The following ANKRD6 variants were observed in gnomAD, a reference collection of about 807,000 sequenced individuals.
ANKRD6 encodes the protein ankyrin repeat domain 6, also known as ankyrin repeat domain-containing protein 6.
A neutral mutation model predicts 82.3 loss-of-function variants in ANKRD6; 56 were observed. That is an observed-to-expected ratio of 0.68 (90% CI 0.55 to 0.85). ANKRD6 has a LOEUF of 0.85. Ranked by LOEUF, ANKRD6 falls within the 40% of genes least tolerant of loss-of-function variation. ANKRD6 has a pLI of 0.00. For missense variants in ANKRD6, 852 were observed against 907.6 expected (o/e 0.94, Z 0.79); for synonymous variants, 347 against 352.1 (o/e 0.99, Z 0.16).
At chr6:89,439,037 T>G (rs1771013446) in intron 1 of ANKRD6, among the ~76,000 whole-genome samples, 1 of 152,210 alleles carries the variant, frequency 6.6e-6, no homozygotes, top group Non-Finnish European at 1.5e-5. Context: ...TGTTATGTCT[T>G]CATAGTGGAG....
At chr6:89,499,081 C>G (rs1778972255) in intron 1 of ANKRD6, among the ~76,000 whole-genome samples, 1 of 151,882 alleles carries the variant, frequency 6.6e-6, no homozygotes, top group Non-Finnish European at 1.5e-5. Context: ...GGAAAGGTCT[C>G]CCTTCCTGAA....
intron 1 of ANKRD6, among the ~76,000 whole-genome samples, chr6:89,494,056 A>T (rs1293976538): frequency 6.6e-6 from 1 of 152,128 alleles, no homozygotes; most frequent in South Asian, 2.1e-4. Context: ...TGAATACAAC[A>T]CAAGTGAGTA....
At chr6:89,519,123 G>T (rs1437697154) in intron 1 of ANKRD6, among the ~76,000 whole-genome samples, 1 of 152,176 alleles carries the variant, frequency 6.6e-6, no homozygotes, top group Admixed American at 6.5e-5. Context: ...CACATTCTAG[G>T]TACTGGGGGT....
At chr6:89,591,144 C>T (rs1050342934) in intron 2 of ANKRD6, among the ~76,000 whole-genome samples, 3 of 152,106 alleles carry the variant, frequency 2.0e-5, no homozygotes, top group South Asian at 4.1e-4. Context: ...TATTCTGTTG[C>T]CCAGACTGAA....
intron 1 of ANKRD6, among the ~76,000 whole-genome samples, chr6:89,506,523 C>T (rs776380356): frequency 5.3e-5 from 8 of 152,138 alleles, no homozygotes; most frequent in East Asian, 1.9e-4. Flanking sequence ...CCATGTTGGC[C>T]GGGCTGCTCT....
chr6:89,441,113 C>T (rs1276392151), intron 1 of ANKRD6, among the ~76,000 whole-genome samples: 1 of 152,124 alleles, frequency 6.6e-6, no homozygotes, highest in Non-Finnish European at 1.5e-5. Flanking sequence ...TGTTACTTCA[C>T]TATAGTGGGG....
At chr6:89,464,157 A>G (rs1425011556) in intron 1 of ANKRD6, among the ~76,000 whole-genome samples, 2 of 152,196 alleles carry the variant, frequency 1.3e-5, no homozygotes, top group Non-Finnish European at 2.9e-5. Flanking sequence ...GAAGTTAAAA[A>G]ACTGTCCTTG....
chr6:89,447,315 T>A lies in ANKRD6; in HGVS notation c.-144+13940T>A, dbSNP rs1399558787. On this transcript the variant is annotated intron_variant, in intron 1 of 15. Coordinates refer to ENST00000339746, the MANE Select transcript of ANKRD6 (RefSeq NM_001242809.2). ...GGAGTGACAAGAAAGTGAAACAGCCTTATTGTTATTGCTGATATGGAGAAA... is the reference window on the plus strand; with the variant it reads ...GGAGTGACAAGAAAGTGAAACAGCCATATTGTTATTGCTGATATGGAGAAA... Among the ~76,000 whole-genome samples, 3 of 152,184 alleles carry A rather than the reference T, an allele frequency of 2.0e-5. No individual in the cohort carries two copies. In the East Asian group the frequency reaches 5.8e-4, roughly 29 times the overall value.
At chr6:89,447,939 G>A (rs138651706) in intron 1 of ANKRD6, among the ~76,000 whole-genome samples, 2,701 of 151,010 alleles carry the variant, frequency 0.018, 88 homozygotes, top group African/African-American at 0.061. Flanking sequence ...CGCCTGCCTC[G>A]GCCTCCCAGA....
chr6:89,529,900 A>T (rs1782931478), intron 1 of ANKRD6, among the ~76,000 whole-genome samples: 1 of 152,186 alleles, frequency 6.6e-6, no homozygotes, highest in East Asian at 1.9e-4. Context: ...ACCCCAAAAC[A>T]ATTACAGTAG....
At chr6:89,601,663 T>G (rs1030458058) in intron 3 of ANKRD6, 1 of 152,232 alleles carries the variant, frequency 6.6e-6, no homozygotes, top group Non-Finnish European at 1.5e-5. Flanking sequence ...ATTTACTGTC[T>G]GAACATATTT....
At chr6:89,603,188 C>A in intron 4 of ANKRD6, 61 bp downstream of exon 4, 1 of 1,473,348 alleles carries the variant, frequency 6.8e-7, no homozygotes, top group South Asian at 1.2e-5. Flanking sequence ...CTCAGGGGAG[C>A]TGGAGGAGCC....
chr6:89,530,728 G>A (rs959494013), intron 1 of ANKRD6, among the ~76,000 whole-genome samples: 2 of 152,222 alleles, frequency 1.3e-5, no homozygotes, highest in African/African-American at 2.4e-5. Flanking sequence ...TAAAAGCCAG[G>A]AGGGCTTGCT....
At chr6:89,531,215 C>CT (rs1783104104) in intron 1 of ANKRD6, among the ~76,000 whole-genome samples, 1 of 152,216 alleles carries the variant, frequency 6.6e-6, no homozygotes, top group South Asian at 2.1e-4. Flanking sequence ...CGGATCTGTT[C>CT]TTTCTCTTAG....
chr6:89,596,036 A>T (rs1226973018), intron 3 of ANKRD6, 22 bp downstream of exon 3: 2 of 1,587,174 alleles, frequency 1.3e-6, no homozygotes. Context: ...CCATCATTCT[A>T]TCAGGCTGAG....
At chr6:89,471,979 G>A (rs867002437) in intron 1 of ANKRD6, among the ~76,000 whole-genome samples, 30 of 149,934 alleles carry the variant, frequency 2.0e-4, no homozygotes, top group Middle Eastern at 6.9e-3. Context: ...GAGAGAGAAG[G>A]AGGAGAGAAA....
intron 1 of ANKRD6, among the ~76,000 whole-genome samples, chr6:89,481,771 G>C (rs953377447): frequency 1.3e-5 from 2 of 152,078 alleles, no homozygotes; most frequent in Admixed American, 1.3e-4. Flanking sequence ...ACTGCTGCTG[G>C]TGGTGGTACT....
intron 1 of ANKRD6, among the ~76,000 whole-genome samples, chr6:89,552,337 G>A (rs1452848184): frequency 6.6e-6 from 1 of 152,186 alleles, no homozygotes; most frequent in Non-Finnish European, 1.5e-5. Flanking sequence ...CATGTATGAT[G>A]ACATGAGTAT....
chr6:89,489,753 T>C (rs977077581), intron 1 of ANKRD6, among the ~76,000 whole-genome samples: 3 of 151,626 alleles, frequency 2.0e-5, no homozygotes, highest in Admixed American at 6.6e-5. Flanking sequence ...GGAAATGGAG[T>C]GGAGGAGGCC....
Sources: allele counts gnomAD v4.1 joint callset (sites outside exome capture counted in the v4.1 genomes callset), GRCh38; gene constraint gnomAD v4.1.1; transcripts MANE v1.5; gene names NCBI Gene and HGNC (gene_info 2026-07-23, HGNC 2026-07-21).